MEIS1: variants seen among roughly 807,000 people sequenced by gnomAD.
The protein encoded by MEIS1 is Meis homeobox 1, also known as homeobox protein Meis1.
A neutral mutation model predicts 50.8 loss-of-function variants in MEIS1; 5 were observed. That is an observed-to-expected ratio of 0.10 (90% CI 0.05 to 0.21). MEIS1 has a LOEUF of 0.21. Ranked by LOEUF, MEIS1 falls within the 10% of genes least tolerant of loss-of-function variation. The probability of loss-of-function intolerance (pLI) is 1.00; values close to 1 mark genes in which losing one functional copy is unlikely to be tolerated. For missense variants in MEIS1, 318 were observed against 517.3 expected (o/e 0.61, Z 3.74); for synonymous variants, 176 against 179.3 (o/e 0.98, Z 0.15).
chr2:66,498,656 G>A (rs762139282), intron 7 of MEIS1, among the ~76,000 whole-genome samples: 57 of 152,124 alleles, frequency 3.7e-4, no homozygotes, highest in Non-Finnish European at 7.4e-4. Flanking sequence ...TCCAGTGGGC[G>A]CAGCTACAGT....
intron 6 of MEIS1, among the ~76,000 whole-genome samples, chr2:66,460,739 TTTG>T (rs533926214): frequency 3.9e-4 from 59 of 151,760 alleles, no homozygotes; most frequent in South Asian, 1.7e-3. Flanking sequence ...CAACAACTTC[TTTG>T]TTGTTGTTGT....
intron 7 of MEIS1, among the ~76,000 whole-genome samples, chr2:66,511,568 C>T (rs1572866788): frequency 6.6e-6 from 1 of 152,224 alleles, no homozygotes; most frequent in Middle Eastern, 3.4e-3. Flanking sequence ...TTTTCCTTTA[C>T]TAAACTTGAT....
At chr2:66,473,397 A>AAAAAAAAAAATATATATATATAT in intron 7 of MEIS1, among the ~76,000 whole-genome samples, 2 of 107,588 alleles carry the variant, frequency 1.9e-5, no homozygotes, top group African/African-American at 5.8e-5. Context: ...AAAAAAAAAA[A>AAAAAAAAAAATATATATATATAT]ATATATATAT....
Position 66,529,844 on chromosome 2 carries a change from A to C in MEIS1, c.888+17550A>C, listed in dbSNP as rs3891585. Among the ~76,000 whole-genome samples the C allele has an allele frequency of 1.6e-4, 25 of 152,092 alleles. No homozygotes were observed. In the East Asian group the frequency reaches 4.3e-3, roughly 26 times the overall value. On this transcript the variant is annotated intron_variant, in intron 8 of 12. Coordinates refer to ENST00000272369, the MANE Select transcript of MEIS1 (RefSeq NM_002398.3). The stretch of plus-strand genomic sequence containing the variant: ...TTTACATATACAATTGAATTCAGCT[A>C]TCTTTCCTGGAATTGCTACTATGTT...
In MEIS1 at chr2:66,440,620, C is replaced by A. The variant is rs1169626212; in HGVS notation, c.432+8C>A. The A allele has an allele frequency of 1.9e-6, 3 of 1,605,720 alleles. No individual in the cohort carries two copies. Among genetic ancestry groups the A allele is most frequent in the Non-Finnish European group, 1.7e-6 (2 of 1,175,074 alleles). ...CCAGAACTGGATAACTTGGTAAGAG[C>A]GGACCCCTATTTCCCTCCCCCGCCC... On this transcript the variant is annotated splice_region_variant and intron_variant, in intron 4 of 12. Coordinates refer to ENST00000272369, the MANE Select transcript of MEIS1 (RefSeq NM_002398.3).
chr2:66,454,984 T>C (rs1672356384), intron 6 of MEIS1, among the ~76,000 whole-genome samples: 1 of 152,144 alleles, frequency 6.6e-6, no homozygotes, highest in Admixed American at 6.5e-5. Flanking sequence ...TTTAACTCTA[T>C]GAACTACAAT....
In MEIS1 at chr2:66,497,754, T is replaced by C. The variant is rs139427101; in HGVS notation, c.743-14395T>C. ...AAAATAAGATGAATAACATAAAAAA[T>C]TAAAACTGCTGCAGAAATATTATTT... is the stretch of plus-strand genomic sequence containing the variant. On this transcript the variant is annotated intron_variant, in intron 7 of 12. Coordinates refer to ENST00000272369, the MANE Select transcript of MEIS1 (RefSeq NM_002398.3). 2.0e-5 allele frequency among the ~76,000 whole-genome samples: 3 copies of C among 152,202 alleles called. No homozygotes were observed. The East Asian group carries it at 5.8e-4, about 29-fold the overall frequency.
chr2:66,451,834 C>T lies in MEIS1; in HGVS notation c.630+8786C>T, dbSNP rs181875712. 2.3e-4 allele frequency among the ~76,000 whole-genome samples: 35 copies of T among 151,906 alleles called. No homozygotes were observed. In the East Asian group the frequency reaches 6.0e-3, roughly 26 times the overall value. On this transcript the variant is annotated intron_variant, in intron 6 of 12. Transcript: ENST00000272369. ...ACAATTTTTACATACAAAGTCTTGG[C>T]AAACTAGCTAGTGCAGGTGGGCTAT...
chr2:66,521,291 G>T (rs559590677), intron 8 of MEIS1, among the ~76,000 whole-genome samples: 2 of 152,210 alleles, frequency 1.3e-5, no homozygotes, highest in African/African-American at 4.8e-5. Flanking sequence ...TAGTGCTTTG[G>T]GGGGTGAAGA....
chr2:66,483,738 G>A (rs900168217), intron 7 of MEIS1, among the ~76,000 whole-genome samples: 1 of 152,184 alleles, frequency 6.6e-6, no homozygotes, highest in Non-Finnish European at 1.5e-5. Context: ...AAGTGTCTGT[G>A]AGAAAATGAA....
At chr2:66,536,328 G>A (rs980985306) in intron 8 of MEIS1, among the ~76,000 whole-genome samples, 22 of 152,204 alleles carry the variant, frequency 1.4e-4, no homozygotes, top group Non-Finnish European at 2.5e-4. Context: ...GCTTAATTTT[G>A]TCTTCCCAAA....
intron 7 of MEIS1, among the ~76,000 whole-genome samples, chr2:66,488,043 C>A (rs1673183507): frequency 6.6e-6 from 1 of 152,202 alleles, no homozygotes; most frequent in African/African-American, 2.4e-5. Context: ...AGATTTGATT[C>A]TTTTGCATAC....
At chr2:66,475,322 C>T (rs953384083) in intron 7 of MEIS1, among the ~76,000 whole-genome samples, 17 of 142,336 alleles carry the variant, frequency 1.2e-4, no homozygotes, top group Non-Finnish European at 1.8e-4. Context: ...TAATAAATAA[C>T]ATATTTATAT....
chr2:66,466,686 A>G (rs1341204550), intron 7 of MEIS1, among the ~76,000 whole-genome samples: 1 of 152,200 alleles, frequency 6.6e-6, no homozygotes, highest in Non-Finnish European at 1.5e-5. Context: ...AGTTATTTAC[A>G]CAGTTTGAGT....
chr2:66,464,953 G>T (rs1672600595), intron 7 of MEIS1, among the ~76,000 whole-genome samples: 1 of 152,184 alleles, frequency 6.6e-6, no homozygotes, highest in Non-Finnish European at 1.5e-5. Context: ...AGCCCGCTGT[G>T]TGGATTTTGT....
In MEIS1 at chr2:66,571,530, C is replaced by T. The variant is rs780744841; in HGVS notation, c.*322C>T. On this transcript the variant is annotated 3_prime_UTR_variant, in exon 13 of 13. Coordinates refer to ENST00000272369, the MANE Select transcript of MEIS1 (RefSeq NM_002398.3). ...AGTCATGGACATTCATGCTCAGTAGCTTAAGGGAATATGCATTGTCTGCAA... is the reference window on the plus strand; with the variant it reads ...AGTCATGGACATTCATGCTCAGTAGTTTAAGGGAATATGCATTGTCTGCAA... The T allele has an allele frequency of 3.8e-6, 6 of 1,560,684 alleles. No homozygotes were observed. In the African/African-American group the frequency reaches 4.1e-5, roughly 11 times the overall value.
At chr2:66,519,778 G>A (rs1275630247) in intron 8 of MEIS1, among the ~76,000 whole-genome samples, 1 of 152,182 alleles carries the variant, frequency 6.6e-6, no homozygotes, top group East Asian at 1.9e-4. Flanking sequence ...AAATGAGACA[G>A]AAATGACTTG....
intron 7 of MEIS1, among the ~76,000 whole-genome samples, chr2:66,471,119 A>G (rs1672751704): frequency 1.3e-5 from 2 of 152,186 alleles, no homozygotes; most frequent in East Asian, 1.9e-4. Flanking sequence ...GGTCAGCTAG[A>G]CAGTTGGAGT....
intron 7 of MEIS1, among the ~76,000 whole-genome samples, chr2:66,474,654 T>C (rs1672847161): frequency 6.6e-6 from 1 of 152,198 alleles, no homozygotes; most frequent in Admixed American, 6.5e-5. Context: ...TTTGCTCAAG[T>C]GTCTGGCTTT....
Sources: gnomAD v4.1 joint callset for allele counts (sites outside exome capture counted in the v4.1 genomes callset) on GRCh38, gnomAD v4.1.1 for gene constraint, MANE v1.5 for transcripts, NCBI Gene and HGNC (gene_info 2026-07-23, HGNC 2026-07-21) for gene names.